The following SLC35F4 variants were observed in gnomAD, a reference collection of about 807,000 sequenced individuals.
SLC35F4 encodes the protein solute carrier family 35 member F4.
In SLC35F4, 24 loss-of-function variants were observed where a neutral mutation model predicts 44.2. The ratio of observed to expected loss-of-function variants is 0.54; its 90% CI spans 0.39 to 0.76. SLC35F4 has a LOEUF of 0.76. SLC35F4 is among the 30% of genes least tolerant of loss of function. The pLI is 0.00. For missense variants in SLC35F4, 562 were observed against 586.1 expected (o/e 0.96, Z 0.42); for synonymous variants, 238 against 223.6 (o/e 1.06, Z -0.57).
chr14:57,889,863 C>G (rs970942196), intron 1 of SLC35F4, among the ~76,000 whole-genome samples: 13 of 152,112 alleles, frequency 8.5e-5, no homozygotes, highest in African/African-American at 3.1e-4. Context: ...TTCATTCATT[C>G]ATCTGACAAA....
Position 57,569,989 on chromosome 14 carries a change from A to G in SLC35F4, c.934-9T>C, listed in dbSNP as rs768456067. On this transcript the variant is annotated splice_polypyrimidine_tract_variant and intron_variant, in intron 5 of 7. Transcript: ENST00000556826. The stretch of plus-strand genomic sequence containing the variant: ...AACATTTTAAACAAGACCTGGAATG[A>G]GAAAGAAACTCTACAGCCACACAGA... 6.3e-7 allele frequency: 1 copy of G among 1,588,482 alleles called. No individual in the cohort carries two copies. Among genetic ancestry groups the G allele is most frequent in the Non-Finnish European group, 8.5e-7 (1 of 1,170,214 alleles).
intron 1 of SLC35F4, among the ~76,000 whole-genome samples, chr14:57,682,614 G>A (rs773138618): frequency 2.0e-5 from 3 of 147,132 alleles, no homozygotes; most frequent in Non-Finnish European, 4.5e-5. Flanking sequence ...TTCTGCACAT[G>A]TACTCCAGAA....
At position 57,709,855 on chromosome 14, in the gene SLC35F4, G is replaced by A. The variant is rs529523067; in HGVS notation, c.104-115731C>T. ...AGTTTTATGCATTCACAAAGATATG[G>A]TTTGGAATGGGAACTTATGTTTTAA... On this transcript the variant is annotated intron_variant, in intron 1 of 7. Transcript: ENST00000556826. Among the ~76,000 whole-genome samples the A allele has an allele frequency of 5.5e-4, 84 of 152,302 alleles. 1 individual carries two copies. The highest frequency in any genetic ancestry group is 1.1e-3 in the Non-Finnish European group (78 of 68,024).
rs1015093434 is a variant in SLC35F4, at chr14:57,620,704, C to G, written c.104-26580G>C. On this transcript the variant is annotated intron_variant, in intron 1 of 7. Transcript: ENST00000556826. ...TATTTTGAGATACGTCCCATCAATA[C>G]CTAATTTATTGAGAGTTTTTAGCAT... Among the ~76,000 whole-genome samples the G allele has an allele frequency of 2.0e-5, 3 of 152,058 alleles. No individual in the cohort carries two copies. In the South Asian group the frequency reaches 6.2e-4, roughly 32 times the overall value.
rs377544987 is a variant in SLC35F4 at position 57,766,943 on chromosome 14, T to A, written c.103+98780A>T. Among the ~76,000 whole-genome samples, 3 of 152,230 alleles carry A rather than the reference T, an allele frequency of 2.0e-5. 1 individual carries two copies. On this transcript the variant is annotated intron_variant, in intron 1 of 7. Coordinates refer to ENST00000556826, the MANE Select transcript of SLC35F4 (RefSeq NM_001306087.2). ...TTTACAAGAAATTCACTTCGAATTC[T>A]ACAAAAAGGAGTGTATACACTAATA...
At chr14:57,767,589 T>C (rs1174568613) in intron 1 of SLC35F4, among the ~76,000 whole-genome samples, 1 of 151,826 alleles carries the variant, frequency 6.6e-6, no homozygotes, top group Admixed American at 6.6e-5. Context: ...ATATTAGGAA[T>C]GCAGAAAGGT....
intron 1 of SLC35F4, among the ~76,000 whole-genome samples, chr14:57,793,020 G>A (rs1459955878): frequency 1.3e-5 from 2 of 151,914 alleles, no homozygotes; most frequent in African/African-American, 4.8e-5. Flanking sequence ...GCAAAATTAA[G>A]GGGTGTAACT....
chr14:57,583,835 A>C (rs574343836), intron 3 of SLC35F4, among the ~76,000 whole-genome samples: 29 of 152,316 alleles, frequency 1.9e-4, no homozygotes, highest in African/African-American at 6.5e-4. Context: ...ACTGAAAAAA[A>C]AATATGGATT....
chr14:57,972,983 C>G (rs1270190379), downstream of SLC35F4, among the ~76,000 whole-genome samples: 2 of 152,212 alleles, frequency 1.3e-5, no homozygotes, highest in African/African-American at 4.8e-5. Flanking sequence ...TATACCATGT[C>G]ATTTAATCTT....
At chr14:57,755,596 T>C (rs188901770) in intron 1 of SLC35F4, among the ~76,000 whole-genome samples, 49 of 152,304 alleles carry the variant, frequency 3.2e-4, no homozygotes, top group Admixed American at 6.5e-4. Flanking sequence ...AAGTGCTCCA[T>C]TGACATTTTA....
At chr14:57,946,231 TTA>T (rs1273722825) in intron 1 of SLC35F4, among the ~76,000 whole-genome samples, 1 of 152,152 alleles carries the variant, frequency 6.6e-6, no homozygotes, top group Non-Finnish European at 1.5e-5. Context: ...TTTTCCAATG[TTA>T]TCTTCTAGAA....
At chr14:57,739,258 C>T (rs942323714) in intron 1 of SLC35F4, among the ~76,000 whole-genome samples, 3 of 152,186 alleles carry the variant, frequency 2.0e-5, no homozygotes, top group Non-Finnish European at 4.4e-5. Flanking sequence ...CACCACCATC[C>T]ACCAGAAGGT....
intron 1 of SLC35F4, among the ~76,000 whole-genome samples, chr14:57,916,943 A>C (rs759860292): frequency 5.9e-5 from 9 of 152,136 alleles, no homozygotes; most frequent in Non-Finnish European, 1.2e-4. Flanking sequence ...GTCATTCTTC[A>C]TTTATGTTAG....
chr14:57,641,163 C>CTTTTTTTTTTTTTTTTTTTTTTTT (rs2073216578), intron 1 of SLC35F4, among the ~76,000 whole-genome samples: 1 of 149,410 alleles, frequency 6.7e-6, no homozygotes, highest in African/African-American at 2.4e-5. Flanking sequence ...AAGCCTTTTT[C>CTTTTTTTTTTTTTTTTTTTTTTTT]TATTCAATAT....
intron 1 of SLC35F4, among the ~76,000 whole-genome samples, chr14:57,913,133 T>C (rs1400100044): frequency 6.6e-6 from 1 of 152,112 alleles, no homozygotes; most frequent in Non-Finnish European, 1.5e-5. Context: ...TTTCAATCCC[T>C]TTCCTTTAAC....
At chr14:57,597,335 A>G (rs1220845282) in intron 1 of SLC35F4, among the ~76,000 whole-genome samples, 1 of 152,210 alleles carries the variant, frequency 6.6e-6, no homozygotes, top group Non-Finnish European at 1.5e-5. Flanking sequence ...CAGTGGGGCC[A>G]TCTTGGGCCA....
chr14:57,625,964 CAT>C (rs1223584025), intron 1 of SLC35F4, among the ~76,000 whole-genome samples: 2 of 151,998 alleles, frequency 1.3e-5, no homozygotes, highest in African/African-American at 4.8e-5. Flanking sequence ...AAATGTGGCA[CAT>C]ATACACCATG....
chr14:57,667,690 T>C (rs998260628), intron 1 of SLC35F4, among the ~76,000 whole-genome samples: 5 of 151,896 alleles, frequency 3.3e-5, no homozygotes, highest in Non-Finnish European at 7.4e-5. Context: ...CTGCAGAGTA[T>C]TCCATGGTGT....
chr14:57,573,650 T>TATCA (rs1339527650), intron 4 of SLC35F4, among the ~76,000 whole-genome samples: 1 of 152,128 alleles, frequency 6.6e-6, no homozygotes, highest in Non-Finnish European at 1.5e-5. Flanking sequence ...CTATGAGGGT[T>TATCA]ATCATTTTCC....
Sources: gnomAD v4.1 joint callset for allele counts (sites outside exome capture counted in the v4.1 genomes callset) on GRCh38, gnomAD v4.1.1 for gene constraint, MANE v1.5 for transcripts, NCBI Gene and HGNC (gene_info 2026-07-23, HGNC 2026-07-21) for gene names.